PDZD2: variants seen among roughly 807,000 people sequenced by gnomAD.
The protein encoded by PDZD2 is PDZ domain containing 2.
In PDZD2, 90 loss-of-function variants were observed where a neutral mutation model predicts 220.7. That is an observed-to-expected ratio of 0.41 (90% CI 0.34 to 0.49). The LOEUF is 0.49. PDZD2 is among the 20% of genes least tolerant of loss of function. The pLI is 0.28. For synonymous variants in PDZD2, 1,375 were observed against 1,450.5 expected, an observed-to-expected ratio of 0.95 and a Z score of 1.18; for missense variants, 3,174 against 3,608.5, an observed-to-expected ratio of 0.88 and a Z score of 3.08.
intron 5 of PDZD2, among the ~76,000 whole-genome samples, chr5:32,005,290 C>A (rs1752710646): frequency 6.6e-6 from 1 of 152,136 alleles, no homozygotes; most frequent in Non-Finnish European, 1.5e-5. Flanking sequence ...GGAAATACAG[C>A]AGTTACTTTC....
At chr5:32,085,117 G>T (rs1404076925) in intron 19 of PDZD2, among the ~76,000 whole-genome samples, 1 of 151,682 alleles carries the variant, frequency 6.6e-6, no homozygotes, top group Non-Finnish European at 1.5e-5. Context: ...ACCATGCCTG[G>T]TTAATTTTTG....
intron 2 of PDZD2, among the ~76,000 whole-genome samples, chr5:31,875,941 T>G (rs1315182898): frequency 1.3e-5 from 2 of 152,212 alleles, no homozygotes; most frequent in East Asian, 3.9e-4. Flanking sequence ...CACAGTTGTC[T>G]TATTCTCAGT....
At chr5:31,951,443 G>T (rs777267083) in intron 2 of PDZD2, among the ~76,000 whole-genome samples, 1 of 152,074 alleles carries the variant, frequency 6.6e-6, no homozygotes, top group Non-Finnish European at 1.5e-5. Context: ...CCTCTCAAAG[G>T]CTCGACCTCT....
At chr5:31,889,045 G>A (rs979765468) in intron 2 of PDZD2, among the ~76,000 whole-genome samples, 3 of 152,082 alleles carry the variant, frequency 2.0e-5, no homozygotes, top group African/African-American at 7.2e-5. Flanking sequence ...ATGTTTTGCG[G>A]GTTGTTCTGT....
chr5:31,952,675 A>G lies in PDZD2; in HGVS notation c.477-30480A>G, dbSNP rs75573037. On this transcript the variant is annotated intron_variant, in intron 2 of 24. Transcript: ENST00000438447. ...CTATAAATAAATACAGTTTCCATCA[A>G]ATCTGAAAAAGAATTTATTTGGAAC... 7.3e-3 allele frequency among the ~76,000 whole-genome samples: 1,114 copies of G among 152,318 alleles called. 11 individuals carry two copies. Among genetic ancestry groups the G allele is most frequent in the African/African-American group, 0.026 (1,086 of 41,564 alleles).
chr5:32,073,028 T>A (rs1170027697), intron 17 of PDZD2, among the ~76,000 whole-genome samples: 5 of 150,472 alleles, frequency 3.3e-5, no homozygotes, highest in African/African-American at 4.9e-5. Flanking sequence ...GTTTTTTTTT[T>A]AATCTCATTG....
At chr5:31,676,584 T>C (rs1746431956) in intron 1 of PDZD2, among the ~76,000 whole-genome samples, 1 of 150,854 alleles carries the variant, frequency 6.6e-6, no homozygotes, top group Non-Finnish European at 1.5e-5. Flanking sequence ...TTTTTTTTTT[T>C]GAGACAGAGT....
Position 31,656,518 on chromosome 5 carries a change from C to T in PDZD2, c.-361+17081C>T, listed in dbSNP as rs113911186. 1.3e-3 allele frequency among the ~76,000 whole-genome samples: 204 copies of T among 152,222 alleles called. 2 individuals carry two copies. Among genetic ancestry groups the T allele is most frequent in the African/African-American group, 4.8e-3 (198 of 41,540 alleles). On this transcript the variant is annotated intron_variant, in intron 1 of 24. Coordinates refer to ENST00000438447, the MANE Select transcript of PDZD2 (RefSeq NM_178140.4). ...GTAAAGGGATGTTGATGGATTGGTT[C>T]GACTATTCTTGTTTAATGTATTGAC...
chr5:32,072,235 G>T lies in PDZD2; in HGVS notation c.2643G>T (p.Met881Ile). ...HDVPGPLSDF[M>I]VAGSEDEDHP... is the part of the protein sequence containing the mutation. ...TCCCTGGCCCCTTGTCAGACTTCAT[G>T]GTGGCCGGTTCTGAGGACGAGGATC... The change falls in exon 17 of 25, where the codon ATG (methionine) becomes ATT (isoleucine). Residue 881 changes from methionine to isoleucine, a missense_variant. Physicochemically the swap from Met to Ile is conservative, Grantham distance 10. Around this residue, in one of 4 missense-constraint regions of PDZD2, gnomAD observed 1,861 missense variants for 2,001.0 expected, o/e 0.93. Coordinates refer to ENST00000438447, the MANE Select transcript of PDZD2 (RefSeq NM_178140.4). 1.2e-6 allele frequency: 2 copies of T among 1,613,976 alleles called. No homozygotes were observed. Among genetic ancestry groups the T allele is most frequent in the South Asian group, 1.1e-5 (1 of 91,086 alleles).
chr5:31,969,509 CAA>C (rs56755290), intron 2 of PDZD2, among the ~76,000 whole-genome samples: 53 of 51,412 alleles, frequency 1.0e-3, no homozygotes, highest in East Asian at 5.0e-3. Flanking sequence ...GCCCCCTCTC[CAA>C]AAAAAAAAAA....
At chr5:31,740,543 A>G (rs1198328241) in intron 1 of PDZD2, among the ~76,000 whole-genome samples, 2 of 139,352 alleles carry the variant, frequency 1.4e-5, no homozygotes, top group Admixed American at 1.4e-4. Flanking sequence ...AAAAAAAAAA[A>G]AAAAAAAAAA....
At chr5:32,091,242 T>C (rs1192223555) in intron 20 of PDZD2, 67 bp downstream of exon 20, 12 of 1,257,272 alleles carry the variant, frequency 9.5e-6, no homozygotes, top group Non-Finnish European at 1.3e-5. Flanking sequence ...TTTAGATTTA[T>C]AGAAAAGTTG....
At chr5:31,847,112 G>A (rs1028733315) in intron 2 of PDZD2, among the ~76,000 whole-genome samples, 3 of 152,102 alleles carry the variant, frequency 2.0e-5, no homozygotes, top group African/African-American at 7.2e-5. Flanking sequence ...GTTGACATTG[G>A]GGAAATATGT....
chr5:32,043,267 C>A (rs1445127581), intron 7 of PDZD2, among the ~76,000 whole-genome samples: 1 of 152,180 alleles, frequency 6.6e-6, no homozygotes, highest in Non-Finnish European at 1.5e-5. Context: ...CTGTTTGCCA[C>A]AAATGGATGC....
chr5:31,948,565 A>G (rs1156733156), intron 2 of PDZD2, among the ~76,000 whole-genome samples: 4 of 152,230 alleles, frequency 2.6e-5, no homozygotes, highest in Non-Finnish European at 5.9e-5. Context: ...AATGATCTTA[A>G]GTACCAACGA....
chr5:31,840,127 C>T (rs865916094), intron 2 of PDZD2, among the ~76,000 whole-genome samples: 1 of 151,932 alleles, frequency 6.6e-6, no homozygotes, highest in South Asian at 2.1e-4. Flanking sequence ...ACTCAGAATG[C>T]TGAGGTGTGA....
intron 14 of PDZD2, among the ~76,000 whole-genome samples, chr5:32,064,404 A>C (rs1183935482): frequency 6.6e-6 from 1 of 151,668 alleles, no homozygotes; most frequent in Admixed American, 6.6e-5. Context: ...GCCACGCTCA[A>C]CTAATCTTTT....
chr5:31,865,258 A>G (rs937963903), intron 2 of PDZD2, among the ~76,000 whole-genome samples: 11 of 152,108 alleles, frequency 7.2e-5, no homozygotes, highest in African/African-American at 2.4e-4. Context: ...TACACTGTTT[A>G]ACATAGAGGT....
chr5:31,927,315 T>C (rs970543149), intron 2 of PDZD2, among the ~76,000 whole-genome samples: 2 of 152,198 alleles, frequency 1.3e-5, no homozygotes, highest in African/African-American at 2.4e-5. Flanking sequence ...TCCAGCTCTT[T>C]CTGGTAGAAT....
Sources: gnomAD v4.1 joint callset for allele counts (sites outside exome capture counted in the v4.1 genomes callset) on GRCh38, gnomAD v4.1.1 for gene constraint, gnomAD v4.1.1 regional missense constraint, MANE v1.5 for transcripts, NCBI Gene and HGNC (gene_info 2026-07-23, HGNC 2026-07-21) for gene names.